CNTNAP4: variants seen among roughly 807,000 people sequenced by gnomAD.
The protein encoded by CNTNAP4 is contactin-associated protein-like 4.
In CNTNAP4, 98 loss-of-function variants were observed where a neutral mutation model predicts 148.4. The ratio of observed to expected loss-of-function variants is 0.66; its 90% confidence interval spans 0.56 to 0.78. The LOEUF (loss-of-function observed/expected upper bound fraction) is 0.78, where lower values mean the gene tolerates loss of function less well. CNTNAP4 is among the 30% of genes least tolerant of loss of function. The pLI is 0.00. For synonymous variants in CNTNAP4, 730 were observed against 565.1 expected (o/e 1.29, Z -4.14); for missense variants, 1,935 against 1,565.6 (o/e 1.24, Z -3.98).
rs148560694 is a variant in CNTNAP4 at position 76,320,253 on chromosome 16, T to C, written c.196+3730T>C. 7.1e-3 allele frequency among the ~76,000 whole-genome samples: 1,083 copies of C among 152,118 alleles called. 7 individuals are homozygous for C. The highest frequency in any genetic ancestry group is 0.011 in the Non-Finnish European group (751 of 67,896). ...GGTAAAGATTAGATCTTGTAAACAATGAACTTAGATAATTACCTGAGGAGC... is the reference window on the plus strand; with the variant it reads ...GGTAAAGATTAGATCTTGTAAACAACGAACTTAGATAATTACCTGAGGAGC... On this transcript the variant is annotated intron_variant, in intron 2 of 23. Coordinates refer to ENST00000611870, the MANE Select transcript of CNTNAP4 (RefSeq NM_033401.5).
intron 12 of CNTNAP4, among the ~76,000 whole-genome samples, chr16:76,488,829 C>T (rs998744999): frequency 1.3e-5 from 2 of 152,140 alleles, no homozygotes; most frequent in Non-Finnish European, 1.5e-5. Context: ...TCATCTGTTA[C>T]AAACATTGTG....
At chr16:76,551,985 A>C (rs2084969305) in intron 21 of CNTNAP4, among the ~76,000 whole-genome samples, 1 of 152,176 alleles carries the variant, frequency 6.6e-6, no homozygotes, top group Non-Finnish European at 1.5e-5. Flanking sequence ...GAGACTGGGT[A>C]ATTTATAAAG....
At chr16:76,366,838 A>T (rs1345211023) in intron 3 of CNTNAP4, among the ~76,000 whole-genome samples, 1 of 152,206 alleles carries the variant, frequency 6.6e-6, no homozygotes, top group East Asian at 1.9e-4. Context: ...TTAGAATATT[A>T]CTAAAGGACA....
At chr16:76,538,370 A>G (rs2084310138) in intron 19 of CNTNAP4, 30 bp downstream of exon 19, 2 of 1,472,006 alleles carry the variant, frequency 1.4e-6, no homozygotes, top group Non-Finnish European at 1.9e-6. Flanking sequence ...GAGAGAGAAA[A>G]TTAAATTAGA....
intron 1 of CNTNAP4, among the ~76,000 whole-genome samples, chr16:76,312,778 C>A (rs952637671): frequency 6.6e-6 from 1 of 152,090 alleles, no homozygotes; most frequent in Non-Finnish European, 1.5e-5. Flanking sequence ...GCAAATTAAT[C>A]GAACTGTGTT....
intron 3 of CNTNAP4, among the ~76,000 whole-genome samples, chr16:76,376,026 T>G (rs959832986): frequency 1.3e-5 from 2 of 151,062 alleles, no homozygotes; most frequent in Admixed American, 1.3e-4. Flanking sequence ...GTGTGAAAGT[T>G]AAATACAAAA....
chr16:76,349,948 T>C (rs74418586), intron 2 of CNTNAP4, among the ~76,000 whole-genome samples: 1,530 of 152,202 alleles, frequency 0.01, 30 homozygotes, highest in African/African-American at 0.035. Flanking sequence ...GTGATTCTTA[T>C]CTATATTTTA....
intron 10 of CNTNAP4, among the ~76,000 whole-genome samples, chr16:76,469,095 A>C (rs890702812): frequency 1.3e-5 from 2 of 152,216 alleles, no homozygotes; most frequent in African/African-American, 4.8e-5. Flanking sequence ...CCTATTTTGA[A>C]CACTAATAAA....
At chr16:76,427,741 C>A (rs1348932327) in intron 4 of CNTNAP4, 142 bp downstream of exon 4, 4 of 612,028 alleles carry the variant, frequency 6.5e-6, no homozygotes, top group Admixed American at 3.6e-5. Context: ...CTTTTTTGTG[C>A]ATGCCTGTAC....
chr16:76,292,559 G>T (rs375340126), intron 1 of CNTNAP4, among the ~76,000 whole-genome samples: 2 of 152,144 alleles, frequency 1.3e-5, no homozygotes, highest in Non-Finnish European at 2.9e-5. Flanking sequence ...GCAGGTTTTC[G>T]GTTGTAACCA....
At chr16:76,360,493 T>C (rs1367484976) in intron 3 of CNTNAP4, among the ~76,000 whole-genome samples, 2 of 152,208 alleles carry the variant, frequency 1.3e-5, no homozygotes, top group East Asian at 3.9e-4. Flanking sequence ...TTCCTTATGT[T>C]GAGCCCTTAT....
intron 9 of CNTNAP4, 51 bp from the exon 10 acceptor site, chr16:76,467,301 C>G (rs895513613): frequency 5.9e-6 from 9 of 1,521,530 alleles, no homozygotes; most frequent in African/African-American, 1.4e-5. Flanking sequence ...ATCTATGATC[C>G]TGAATTCTGA....
chr16:76,551,199 C>G (rs1248504132), intron 21 of CNTNAP4, among the ~76,000 whole-genome samples: 1 of 151,840 alleles, frequency 6.6e-6, no homozygotes, highest in Non-Finnish European at 1.5e-5. Context: ...TCACTTGAGG[C>G]CAGGAGTTCA....
In CNTNAP4 at chr16:76,521,009, G is replaced by A. The variant is rs1044661636; in HGVS notation, c.2366-131G>A. Reference sequence around the variant, plus strand: ...ATACTACATAGTTGACAGAAAAAAAGAGCAGATTTGTATAAATAACATTTT... The same window carrying A: ...ATACTACATAGTTGACAGAAAAAAAAAGCAGATTTGTATAAATAACATTTT... On this transcript the variant is annotated intron_variant, in intron 15 of 23. Coordinates refer to ENST00000611870, the MANE Select transcript of CNTNAP4 (RefSeq NM_033401.5). 5.1e-6 allele frequency: 4 copies of A among 779,582 alleles called. No homozygotes were observed. In the East Asian group the frequency reaches 8.0e-5, roughly 16 times the overall value. 48.3% of individuals were successfully genotyped at this position (779,582 alleles called of 1,614,324 possible). A position where few individuals can be genotyped will look rare whatever the true frequency, so the allele number is the denominator to read the frequency against.
Position 76,539,811 on chromosome 16 carries a change from C to A in CNTNAP4, c.3313C>A (p.His1105Asn). 6.2e-7 allele frequency: 1 copy of A among 1,601,184 alleles called. No individual in the cohort carries two copies. Among genetic ancestry groups the A allele is most frequent in the Non-Finnish European group, 8.5e-7 (1 of 1,174,286 alleles). The change falls in exon 20 of 24, where the codon CAC (histidine) becomes AAC (asparagine). Residue 1105 changes from histidine to asparagine, a missense_variant. Transcript: ENST00000611870. ...FKNMADGQLH[H>N]IMINREEGVV... Reference sequence around the variant, plus strand: ...AAACATGGCTGATGGACAACTTCACCACATAATGATTAACAGAGAAGAAGG... The same window carrying A: ...AAACATGGCTGATGGACAACTTCACAACATAATGATTAACAGAGAAGAAGG...
intron 17 of CNTNAP4, among the ~76,000 whole-genome samples, chr16:76,530,468 G>C (rs2083929662): frequency 6.6e-6 from 1 of 152,168 alleles, no homozygotes; most frequent in Non-Finnish European, 1.5e-5. Flanking sequence ...CAGATGGGAT[G>C]TCTGGGGACA....
chr16:76,326,636 A>G (rs1342684302), intron 2 of CNTNAP4, among the ~76,000 whole-genome samples: 1 of 152,182 alleles, frequency 6.6e-6, no homozygotes, highest in South Asian at 2.1e-4. Context: ...TGATGAGTTC[A>G]TGTCCTTTGT....
chr16:76,277,802 G>T, intron 1 of CNTNAP4, 55 bp downstream of exon 1: 1 of 1,072,990 alleles, frequency 9.3e-7, no homozygotes, highest in South Asian at 1.3e-5. Flanking sequence ...GCAAAACTTT[G>T]ATTCTGTTGG....
intron 2 of CNTNAP4, among the ~76,000 whole-genome samples, chr16:76,323,404 T>C (rs1048295544): frequency 1.3e-5 from 2 of 152,198 alleles, no homozygotes; most frequent in African/African-American, 4.8e-5. Context: ...TCCAGATTAA[T>C]TTTATGATCA....
Sources: allele counts gnomAD v4.1 joint callset (sites outside exome capture counted in the v4.1 genomes callset), GRCh38; gene constraint gnomAD v4.1.1; transcripts MANE v1.5; gene names NCBI Gene and HGNC (gene_info 2026-07-23, HGNC 2026-07-21).